RSRC1: variants seen among roughly 807,000 people sequenced by gnomAD.
RSRC1 encodes serine/Arginine-related protein 53.
In RSRC1, 39 loss-of-function variants were observed where a neutral mutation model predicts 49.1. That is an observed-to-expected ratio of 0.79 (90% confidence interval 0.61 to 1.04). The LOEUF (loss-of-function observed/expected upper bound fraction) is 1.04, where lower values mean the gene tolerates loss of function less well. Ranked by LOEUF, RSRC1 falls within the 50% of genes least tolerant of loss-of-function variation. The pLI, the probability that RSRC1 is intolerant of heterozygous loss-of-function variation, is 0.00. For synonymous variants in RSRC1, 143 were observed against 130.8 expected (o/e 1.09, Z -0.63); for missense variants, 388 against 402.4 (o/e 0.96, Z 0.31).
intron 6 of RSRC1, among the ~76,000 whole-genome samples, chr3:158,373,774 T>C (rs2108270047): frequency 6.6e-6 from 1 of 152,124 alleles, no homozygotes; most frequent in East Asian, 1.9e-4. Context: ...ACCCTGGTAT[T>C]AGAAGCTTTT....
At chr3:158,510,993 G>A (rs1276051997) in intron 7 of RSRC1, among the ~76,000 whole-genome samples, 2 of 152,182 alleles carry the variant, frequency 1.3e-5, no homozygotes, top group South Asian at 4.2e-4. Context: ...TTATGATATT[G>A]AGTATTTTTA....
intron 4 of RSRC1, among the ~76,000 whole-genome samples, chr3:158,252,656 A>C (rs903828729): frequency 6.6e-6 from 1 of 152,214 alleles, no homozygotes; most frequent in Admixed American, 6.5e-5. Flanking sequence ...AAATTTGAGT[A>C]GGATTGGAAT....
intron 7 of RSRC1, among the ~76,000 whole-genome samples, chr3:158,513,161 G>C (rs1327559136): frequency 2.0e-5 from 3 of 149,780 alleles, no homozygotes; most frequent in Non-Finnish European, 1.5e-5. Context: ...TGTTGAATAG[G>C]AGTGGTGAGA....
chr3:158,503,811 C>G (rs1229157768), intron 7 of RSRC1, among the ~76,000 whole-genome samples: 1 of 152,116 alleles, frequency 6.6e-6, no homozygotes, highest in Non-Finnish European at 1.5e-5. Flanking sequence ...GACTACCCGT[C>G]TCCCAGAAAA....
At chr3:158,199,774 G>A (rs931073302) in intron 3 of RSRC1, among the ~76,000 whole-genome samples, 12 of 151,954 alleles carry the variant, frequency 7.9e-5, no homozygotes, top group African/African-American at 2.7e-4. Flanking sequence ...TTTACTCATG[G>A]ATTATTTAAA....
chr3:158,348,833 A>G (rs1329552635), intron 5 of RSRC1, among the ~76,000 whole-genome samples: 1 of 152,152 alleles, frequency 6.6e-6, no homozygotes, highest in Non-Finnish European at 1.5e-5. Context: ...AACTGAGAAC[A>G]TGTGATATTT....
intron 4 of RSRC1, among the ~76,000 whole-genome samples, chr3:158,264,581 A>G (rs1462173790): frequency 6.6e-6 from 1 of 152,180 alleles, no homozygotes; most frequent in Non-Finnish European, 1.5e-5. Flanking sequence ...CACTTGTTCT[A>G]TCAAATATTG....
chr3:158,114,424 G>A (rs957169440), intron 1 of RSRC1, among the ~76,000 whole-genome samples: 1 of 152,162 alleles, frequency 6.6e-6, no homozygotes, highest in East Asian at 1.9e-4. Flanking sequence ...TTGAAGTCAG[G>A]TAGCATGATG....
At chr3:158,137,201 A>T (rs1392071414) in intron 3 of RSRC1, among the ~76,000 whole-genome samples, 1 of 152,176 alleles carries the variant, frequency 6.6e-6, no homozygotes, top group Non-Finnish European at 1.5e-5. Flanking sequence ...TCATTTAAAA[A>T]ATTGGGTATT....
chr3:158,132,172 G>T, intron 3 of RSRC1: 1 of 443,150 alleles, frequency 2.3e-6, no homozygotes, highest in Non-Finnish European at 4.6e-6. Context: ...TTTTGGCGGA[G>T]ATGGGGTTTC....
intron 7 of RSRC1, among the ~76,000 whole-genome samples, chr3:158,504,551 G>C (rs1318314857): frequency 2.6e-5 from 4 of 152,098 alleles, no homozygotes; most frequent in Non-Finnish European, 5.9e-5. Flanking sequence ...TTTACACACT[G>C]GTCTTTCTAC....
chr3:158,198,092 G>C (rs1231622405), intron 3 of RSRC1, among the ~76,000 whole-genome samples: 24 of 152,084 alleles, frequency 1.6e-4, no homozygotes, highest in Non-Finnish European at 2.9e-5. Context: ...ACAGTGGGGT[G>C]TTAAAGTCTC....
chr3:158,500,193 C>G lies in RSRC1; in HGVS notation c.653-36899C>G, dbSNP rs145827365. 4.0e-3 allele frequency among the ~76,000 whole-genome samples: 602 copies of G among 152,208 alleles called. 2 individuals are homozygous for G. The highest frequency in any genetic ancestry group is 4.3e-3 in the Non-Finnish European group (290 of 68,004). On this transcript the variant is annotated intron_variant, in intron 7 of 9. Transcript: ENST00000611884. ...TATTGACTTGCATATGTTAAACTAT[C>G]CCTGCATCCCTCATATGAAACCTAC...
At chr3:158,328,581 A>T (rs1481287947) in intron 5 of RSRC1, among the ~76,000 whole-genome samples, 1 of 152,176 alleles carries the variant, frequency 6.6e-6, no homozygotes, top group Non-Finnish European at 1.5e-5. Context: ...TCTGGCTTGT[A>T]GAGTTTCTGC....
chr3:158,372,233 C>A (rs1378988788), intron 6 of RSRC1, among the ~76,000 whole-genome samples: 1 of 151,768 alleles, frequency 6.6e-6, no homozygotes, highest in African/African-American at 2.4e-5. Flanking sequence ...TTTAAGAAAT[C>A]TTTGCCCAAC....
At chr3:158,494,363 C>T (rs944193994) in intron 7 of RSRC1, among the ~76,000 whole-genome samples, 2 of 152,144 alleles carry the variant, frequency 1.3e-5, no homozygotes, top group African/African-American at 4.8e-5. Flanking sequence ...GGGCACTTAA[C>T]CATAAATGGA....
intron 3 of RSRC1, among the ~76,000 whole-genome samples, chr3:158,190,845 G>T (rs1232733262): frequency 1.3e-5 from 2 of 152,000 alleles, no homozygotes; most frequent in Non-Finnish European, 2.9e-5. Context: ...ACTGTGGATG[G>T]ACTGAAGATT....
At chr3:158,275,909 C>T (rs764878523) in intron 4 of RSRC1, 67 of 699,556 alleles carry the variant, frequency 9.6e-5, no homozygotes, top group Non-Finnish European at 1.1e-4. Context: ...TCAAAGGCCA[C>T]GGCTCTTTTG....
At chr3:158,380,805 C>T (rs1732658904) in intron 6 of RSRC1, among the ~76,000 whole-genome samples, 2 of 152,040 alleles carry the variant, frequency 1.3e-5, no homozygotes, top group Non-Finnish European at 2.9e-5. Flanking sequence ...TGAATTATTA[C>T]ATGTGTATTT....
Sources: gnomAD v4.1 joint callset for allele counts (sites outside exome capture counted in the v4.1 genomes callset) on GRCh38, gnomAD v4.1.1 for gene constraint, MANE v1.5 for transcripts, NCBI Gene and HGNC (gene_info 2026-07-23, HGNC 2026-07-21) for gene names.